The following ANKRD28 variants were observed in gnomAD, a reference collection of about 807,000 sequenced individuals.
ANKRD28 encodes ankyrin repeat domain 28, also known as serine/threonine-protein phosphatase 6 regulatory ankyrin repeat subunit A.
A neutral mutation model predicts 126.5 loss-of-function variants in ANKRD28; 44 were observed. That is an observed-to-expected ratio of 0.35 (90% CI 0.27 to 0.45). The LOEUF (loss-of-function observed/expected upper bound fraction) is 0.45. Among genes scored for constraint, ANKRD28 ranks in the 20% least tolerant of loss-of-function variants. The pLI is 1.00. For missense variants in ANKRD28, 1,110 were observed against 1,316.6 expected (o/e 0.84, Z 2.43); for synonymous variants, 442 against 468.5 (o/e 0.94, Z 0.73).
At chr3:15,793,907 TA>T (rs1487709624) in intron 2 of ANKRD28, among the ~76,000 whole-genome samples, 2 of 152,090 alleles carry the variant, frequency 1.3e-5, no homozygotes, top group African/African-American at 4.8e-5. Flanking sequence ...CTGTCTCTAC[TA>T]AAAACACAAA....
chr3:15,769,900 C>T (rs746954266), intron 2 of ANKRD28, among the ~76,000 whole-genome samples: 1 of 151,962 alleles, frequency 6.6e-6, no homozygotes, highest in Non-Finnish European at 1.5e-5. Flanking sequence ...TCTTAAGGGT[C>T]TAATTTCTCA....
intron 2 of ANKRD28, among the ~76,000 whole-genome samples, chr3:15,773,306 G>A (rs1266343781): frequency 1.3e-5 from 2 of 152,114 alleles, no homozygotes; most frequent in African/African-American, 4.8e-5. Context: ...GAAAATAAAT[G>A]CTTAAGCATA....
intron 6 of ANKRD28, chr3:15,731,731 T>C (rs2074610782): frequency 6.6e-6 from 1 of 151,312 alleles, no homozygotes; most frequent in Non-Finnish European, 1.5e-5. Flanking sequence ...GCGCCTGTAG[T>C]CCCAGCTACT....
chr3:15,765,482 C>T (rs935959609), intron 3 of ANKRD28, among the ~76,000 whole-genome samples: 3 of 152,068 alleles, frequency 2.0e-5, no homozygotes, highest in African/African-American at 7.2e-5. Flanking sequence ...TTACCTCCAC[C>T]TAGGAGAACT....
intron 12 of ANKRD28, among the ~76,000 whole-genome samples, chr3:15,710,509 G>A (rs752981475): frequency 1.3e-5 from 2 of 152,096 alleles, no homozygotes; most frequent in African/African-American, 4.8e-5. Context: ...GACTGTGCTG[G>A]TGTACTCTTG....
chr3:15,756,539 T>C, intron 3 of ANKRD28: 1 of 984,890 alleles, frequency 1.0e-6, no homozygotes, highest in Non-Finnish European at 1.2e-6. Context: ...TCTAACGTTG[T>C]GAAGACACAG....
chr3:15,817,264 G>GTT lies in ANKRD28; in HGVS notation c.28-21960_28-21959dup, dbSNP rs34924790. Among the ~76,000 whole-genome samples the GTT allele has an allele frequency of 5.3e-5, 8 of 150,720 alleles. No homozygotes were observed. The highest frequency in any genetic ancestry group is 2.1e-4 in the South Asian group (1 of 4,758). On this transcript the variant is annotated intron_variant, in intron 1 of 27. Coordinates refer to the ANKRD28 transcript ENST00000399451. This position sits in a 1 kb window ranked among gnomAD's most constrained non-coding sequence, Gnocchi z 4.5. Reference sequence around the variant, plus strand: ...TTATCTTGTCAGTAGAAGTACCATGGTTTTTTTTTCCTTGTTATTTTGTTT... The same window carrying GTT: ...TTATCTTGTCAGTAGAAGTACCATGGTTTTTTTTTTTCCTTGTTATTTTGTTT...
intron 6 of ANKRD28, among the ~76,000 whole-genome samples, chr3:15,728,746 C>T (rs1467643754): frequency 6.6e-6 from 1 of 152,174 alleles, no homozygotes; most frequent in Non-Finnish European, 1.5e-5. Flanking sequence ...GTTTCTTGGG[C>T]TTGTTTCTTC....
chr3:15,740,924 G>A (rs943893226), intron 4 of ANKRD28, among the ~76,000 whole-genome samples: 1 of 152,170 alleles, frequency 6.6e-6, no homozygotes, highest in African/African-American at 2.4e-5. Flanking sequence ...TCACAGGCCT[G>A]GTGCGGTGGC....
At chr3:15,696,797 A>T (rs1278782816) in intron 14 of ANKRD28, among the ~76,000 whole-genome samples, 1 of 152,172 alleles carries the variant, frequency 6.6e-6, no homozygotes, top group Non-Finnish European at 1.5e-5. Flanking sequence ...GAGATACTTC[A>T]TTTCATTTCT....
intron 18 of ANKRD28, among the ~76,000 whole-genome samples, chr3:15,689,484 G>A (rs1373895555): frequency 6.6e-6 from 1 of 152,200 alleles, no homozygotes; most frequent in African/African-American, 2.4e-5. Context: ...GGCTGCCAAG[G>A]TTGTTTTCCA....
intron 1 of ANKRD28, among the ~76,000 whole-genome samples, chr3:15,835,593 C>A (rs747879812): frequency 1.5e-4 from 23 of 152,156 alleles, no homozygotes; most frequent in Non-Finnish European, 2.8e-4. Flanking sequence ...ATGGTTGCCC[C>A]CACAGCTATA....
chr3:15,801,035 G>C (rs1333897851), upstream of ANKRD28, among the ~76,000 whole-genome samples: 1 of 152,026 alleles, frequency 6.6e-6, no homozygotes, highest in African/African-American at 2.4e-5. This position sits in a 1 kb window ranked among gnomAD's most constrained non-coding sequence, Gnocchi z 4.9. Context: ...CAAACTGTAA[G>C]TTCAACATTT....
chr3:15,773,442 T>C (rs2059114166), intron 2 of ANKRD28, among the ~76,000 whole-genome samples: 1 of 152,112 alleles, frequency 6.6e-6, no homozygotes, highest in South Asian at 2.1e-4. Context: ...CTGGCCAACA[T>C]GGCAAAACCC....
At chr3:15,689,875 G>A (rs753150651) in intron 18 of ANKRD28, 144 bp downstream of exon 18, 208 of 674,868 alleles carry the variant, frequency 3.1e-4, no homozygotes, top group Non-Finnish European at 4.5e-4. Flanking sequence ...AAGTTATTTG[G>A]TGAGGTCAAA....
At chr3:15,827,859 C>T (rs1012954972) in intron 1 of ANKRD28, among the ~76,000 whole-genome samples, 14 of 151,990 alleles carry the variant, frequency 9.2e-5, no homozygotes, top group Non-Finnish European at 1.6e-4. Flanking sequence ...GATTAATATC[C>T]AGAATATATA....
Position 15,797,221 on chromosome 3 carries a change from A to ACC in ANKRD28, c.-701_-700insGG. 2 of 858,456 alleles carry ACC rather than the reference A, an allele frequency of 2.3e-6. No homozygotes were observed. Among genetic ancestry groups the ACC allele is most frequent in the Non-Finnish European group, 2.8e-6 (2 of 715,214 alleles). The allele number at this position is 858,456 out of a possible 1,614,324, so 53.2% of individuals were successfully genotyped here. On this transcript the variant is annotated 5_prime_UTR_variant, in exon 1 of 28. An upstream open reading frame in the 5' UTR loses its in-frame stop. Transcript: ENST00000683139. ...CAAAAAACAAAAACAAAAAAAAAAA[A>ACC]ACCACTCTGCATTAATAGCAAAGCT...
intron 1 of ANKRD28, among the ~76,000 whole-genome samples, chr3:15,803,442 C>T (rs1224215066): frequency 6.6e-6 from 1 of 151,922 alleles, no homozygotes; most frequent in Admixed American, 6.6e-5. Context: ...CATGGTGAAA[C>T]CCCGTCTCTA....
chr3:15,819,088 G>C (rs969707615), intron 1 of ANKRD28, among the ~76,000 whole-genome samples: 2 of 152,062 alleles, frequency 1.3e-5, no homozygotes, highest in African/African-American at 4.8e-5. Flanking sequence ...GACCAGCCTA[G>C]GCAACATGGC....
Sources: gnomAD v4.1 joint callset for allele counts (sites outside exome capture counted in the v4.1 genomes callset) on GRCh38, gnomAD v4.1.1 for gene constraint, Gnocchi (gnomAD v3.1) non-coding constraint, MANE v1.5 for transcripts, NCBI Gene and HGNC (gene_info 2026-07-23, HGNC 2026-07-21) for gene names.